The following RP1L1 variants were observed in gnomAD, a reference collection of about 807,000 sequenced individuals.
RP1L1 encodes the protein RP1 like 1, also known as retinitis pigmentosa 1-like 1 protein.
In RP1L1, 27 loss-of-function variants were observed where a neutral mutation model predicts 15.7. The observed-to-expected ratio is 1.72, with a 90% CI of 1.27 to 2.38. The LOEUF is 2.38. RP1L1 is among the 30% of genes most tolerant of loss of function. RP1L1 has a pLI of 0.00. For synonymous variants in RP1L1, 1,813 were observed against 1,276.7 expected, an observed-to-expected ratio of 1.42 and a Z score of -8.96; for missense variants, 4,798 against 3,075.9, an observed-to-expected ratio of 1.56 and a Z score of -13.24.
Position 10,612,314 on chromosome 8 carries a change from C to T in RP1L1, c.1784G>A (p.Gly595Glu). ...RSDDLQAETQ[G>E]QGTEQATGAA... is the part of the protein sequence containing the mutation. ...TCCCGTGGCCTGCTCGGTGCCCTGT[C>T]CTTGCGTCTCTGCCTGCAGGTCGTC... The change falls in exon 4 of 4, where the codon GGA becomes GAA. Residue 595 changes from glycine to glutamate, a missense_variant. By Grantham distance (98) the Gly-to-Glu change is moderately conservative. Coordinates refer to ENST00000382483, the MANE Select transcript of RP1L1 (RefSeq NM_178857.6). 1 of 1,613,236 alleles carries T rather than the reference C, an allele frequency of 6.2e-7. No individual in the cohort carries two copies. Among genetic ancestry groups the T allele is most frequent in the Non-Finnish European group, 8.5e-7 (1 of 1,180,026 alleles).
At chr8:10,618,593 G>A (rs774998178) in intron 2 of RP1L1, among the ~76,000 whole-genome samples, 2 of 152,164 alleles carry the variant, frequency 1.3e-5, no homozygotes, top group Non-Finnish European at 2.9e-5. Flanking sequence ...TTGGGAGGCT[G>A]AGATGGGAGG....
rs79436904 is a variant in RP1L1 at position 10,633,992 on chromosome 8, G to A, written c.-19-10772C>T. Among the ~76,000 whole-genome samples, 1,242 of 152,258 alleles carry A rather than the reference G, an allele frequency of 8.2e-3. 14 individuals are homozygous for A. Among genetic ancestry groups the A allele is most frequent in the Middle Eastern group, 0.027 (8 of 294 alleles). On this transcript the variant is annotated intron_variant, in intron 1 of 3. Transcript: ENST00000382483. ...TGCCTGTGGAGAAGGGTGCCCGAGG[G>A]CCTGACCAGGAGGCTCAAGTCACCC...
chr8:10,623,602 C>T (rs1798110834), intron 1 of RP1L1, among the ~76,000 whole-genome samples: 1 of 150,732 alleles, frequency 6.6e-6, no homozygotes, highest in Non-Finnish European at 1.5e-5. Context: ...CCAGAACTTC[C>T]ATGTCCCCAG....
chr8:10,634,346 C>T (rs1028740450), intron 1 of RP1L1, among the ~76,000 whole-genome samples: 1 of 152,148 alleles, frequency 6.6e-6, no homozygotes, highest in Non-Finnish European at 1.5e-5. Flanking sequence ...CAAGAGGCTG[C>T]AACACGGACC....
Position 10,609,931 on chromosome 8 carries a change from A to G in RP1L1, c.4167T>C (p.Ala1389=), listed in dbSNP as rs761140329. The part of the protein sequence containing the change: ...EGPEGGLQGE[A]LEEGLKEEGL... ...CTTCCTCTTTGAGACCCTCTTCAAGAGCCTCTCCTTGCAGTCCTCCTTCTG... is the reference window on the plus strand; with the variant it reads ...CTTCCTCTTTGAGACCCTCTTCAAGGGCCTCTCCTTGCAGTCCTCCTTCTG... Residue 1389 remains alanine, a synonymous_variant, in exon 4 of 4, where the codon GCT becomes GCC. Transcript: ENST00000382483. The G allele has an allele frequency of 5.7e-5, 90 of 1,588,298 alleles. 1 individual carries two copies. The highest frequency in any genetic ancestry group is 3.3e-4 in the Middle Eastern group (2 of 5,980).
At position 10,622,653 on chromosome 8, in the gene RP1L1, G is replaced by C. The variant is rs200762007; in HGVS notation, c.549C>G (p.Gly183=). 4 of 1,614,212 alleles carry C rather than the reference G, an allele frequency of 2.5e-6. No homozygotes were observed. The highest frequency in any genetic ancestry group is 3.4e-6 in the Non-Finnish European group (4 of 1,180,034). ...GAAAGCGCAGGAGATCTGAGGCTTT[G>C]CCGAGAAAGGCGGCCAGGTTCCTAG... ...RNTRNLAAFL[G]KASDLLRFPV... Residue 183 remains glycine (G), a synonymous_variant, in exon 2 of 4, where the codon GGC becomes GGG. Transcript: ENST00000382483.
chr8:10,632,117 C>A lies in RP1L1; in HGVS notation c.-19-8897G>T, dbSNP rs188465344. ...AGCACAAAGATGGGGCAACCCTGGC[C>A]CGGAAGAGGCTTCGGGTGAAGGCAG... On this transcript the variant is annotated intron_variant, in intron 1 of 3. Coordinates refer to ENST00000382483, the MANE Select transcript of RP1L1 (RefSeq NM_178857.6). Among the ~76,000 whole-genome samples, 71 of 152,284 alleles carry A rather than the reference C, an allele frequency of 4.7e-4. 2 individuals carry two copies. The East Asian group carries it at 0.013, about 28-fold the overall frequency.
rs916547617 is a variant in RP1L1, at chr8:10,607,103, C to T, written c.6995G>A (p.Gly2332Glu). Residue 2332 changes from glycine to glutamate, a missense_variant, in exon 4 of 4, where the codon GGG becomes GAG. Transcript: ENST00000382483. ...DTRSPDAKST[G>E]TPHAERKATR... ...GGCCTTCCTCTCTGCATGAGGGGTC[C>T]CCGTGGACTTGGCATCAGGGCTCCT... 1 of 1,614,200 alleles carries T rather than the reference C, an allele frequency of 6.2e-7. No individual in the cohort carries two copies. The highest frequency in any genetic ancestry group is 8.5e-7 in the Non-Finnish European group (1 of 1,180,036).
intron 2 of RP1L1, chr8:10,621,376 C>G (rs11786688): frequency 0.028 from 5,958 of 209,182 alleles, 98 homozygotes; most frequent in Middle Eastern, 0.067. Flanking sequence ...ACCCAGGCTG[C>G]AGTACAGTGT....
In RP1L1 at chr8:10,609,582, C is replaced by A. The variant is rs756813668; in HGVS notation, c.4516G>T (p.Val1506Leu). ...TQGAAERSSSVACSAALDCDP... is the reference protein window; with the variant it reads ...TQGAAERSSSLACSAALDCDP... Reference sequence around the variant, plus strand: ...CAGTCCAGAGCCGCGCTGCAGGCCACCGAAGAGCTCCTCTCTGCAGCCCCC... The same window carrying A: ...CAGTCCAGAGCCGCGCTGCAGGCCAACGAAGAGCTCCTCTCTGCAGCCCCC... Residue 1506 changes from valine (V) to leucine (L), a missense_variant, in exon 4 of 4, where the codon GTG becomes TTG. Physicochemically the swap from Val to Leu is conservative, Grantham distance 32. Coordinates refer to ENST00000382483, the MANE Select transcript of RP1L1 (RefSeq NM_178857.6). The A allele has an allele frequency of 1.0e-5, 16 of 1,603,798 alleles. No individual in the cohort carries two copies. The highest frequency in any genetic ancestry group is 1.6e-4 in the Middle Eastern group (1 of 6,070).
rs756681101 is a variant in RP1L1 at position 10,612,688 on chromosome 8, G to A, written c.1410C>T (p.Ser470=). The part of the protein sequence containing the change: ...GLPEGSEPES[S]CCPRTPEDGV... The stretch of plus-strand genomic sequence containing the variant: ...CGTCCTCCGGGGTCCTGGGGCAGCA[G>A]GAGGACTCTGGCTCCGAGCCCTCGG... The change falls in exon 4 of 4, where the codon TCC becomes TCT. Residue 470 remains serine (S), a synonymous_variant. Transcript: ENST00000382483. The A allele has an allele frequency of 2.5e-6, 4 of 1,603,152 alleles. No individual in the cohort carries two copies. The East Asian group carries it at 8.9e-5, about 36-fold the overall frequency.
Position 10,622,659 on chromosome 8 carries a change from A to G in RP1L1, c.543T>C (p.Phe181=). Residue 181 remains phenylalanine, a synonymous_variant, in exon 2 of 4, where the codon TTT becomes TTC. Coordinates refer to ENST00000382483, the MANE Select transcript of RP1L1 (RefSeq NM_178857.6). ...SHRNTRNLAA[F]LGKASDLLRF... ...GCAGGAGATCTGAGGCTTTGCCGAG[A>G]AAGGCGGCCAGGTTCCTAGTATTCC... 1 of 1,614,196 alleles carries G rather than the reference A, an allele frequency of 6.2e-7. No homozygotes were observed. Among genetic ancestry groups the G allele is most frequent in the Non-Finnish European group, 8.5e-7 (1 of 1,180,040 alleles).
chr8:10,610,196 ACCT>A lies in RP1L1; in HGVS notation c.3899_3901del (p.Glu1300del). On this transcript the variant is annotated inframe_deletion, in exon 4 of 4. Transcript: ENST00000382483. ...TCCTTCTTTAGTTTCCTCTAATTGC[ACCT>A]CTTCTTGCACTGTGTTTTCAGCTAA... The A allele has an allele frequency of 7.6e-7, 1 of 1,307,618 alleles. No homozygotes were observed. Among genetic ancestry groups the A allele is most frequent in the Non-Finnish European group, 1.0e-6 (1 of 989,478 alleles). 81.0% of individuals were successfully genotyped at this position (1,307,618 alleles called of 1,614,324 possible).
At chr8:10,643,716 G>A (rs1479309307) in intron 1 of RP1L1, among the ~76,000 whole-genome samples, 1 of 152,028 alleles carries the variant, frequency 6.6e-6, no homozygotes, top group Non-Finnish European at 1.5e-5. Context: ...GAAGATCCTG[G>A]TGCTGCCAAA....
Position 10,607,180 on chromosome 8 carries a change from C to T in RP1L1, c.6918G>A (p.Trp2306Ter), listed in dbSNP as rs760589320. 4 of 1,614,222 alleles carry T rather than the reference C, an allele frequency of 2.5e-6. No individual in the cohort carries two copies. In the South Asian group the frequency reaches 4.4e-5, roughly 18 times the overall value. Residue 2306 changes from tryptophan to a stop codon, truncating the protein, a stop_gained, in exon 4 of 4, where the codon TGG becomes TGA. Coordinates refer to ENST00000382483, the MANE Select transcript of RP1L1 (RefSeq NM_178857.6). LOFTEE classifies it low-confidence loss of function (END_TRUNC). ...TGPSSSRASS[W>*]GNCWQKDSEN... ...CTGAGTCTTTCTGCCAGCAGTTGCC[C>T]CAAGAGGATGCTCTGGAGGAGGAAG...
intron 1 of RP1L1, among the ~76,000 whole-genome samples, chr8:10,636,999 G>T (rs952236358): frequency 8.5e-5 from 13 of 152,294 alleles, no homozygotes; most frequent in African/African-American, 3.1e-4. Flanking sequence ...TCTACGTGGG[G>T]CCACTCTGCA....
intron 3 of RP1L1, among the ~76,000 whole-genome samples, chr8:10,613,761 G>A (rs1377220337): frequency 1.3e-5 from 2 of 151,922 alleles, no homozygotes; most frequent in African/African-American, 4.8e-5. Flanking sequence ...CTGCGCTCCA[G>A]CCTGGATGAC....
chr8:10,614,687 A>T (rs1023797998), intron 3 of RP1L1, among the ~76,000 whole-genome samples: 1 of 151,128 alleles, frequency 6.6e-6, no homozygotes, highest in Non-Finnish European at 1.5e-5. Context: ...AAAGAAAAGA[A>T]AAAAGAAAGG....
At chr8:10,623,894 C>T (rs545373604) in intron 1 of RP1L1, among the ~76,000 whole-genome samples, 1 of 151,500 alleles carries the variant, frequency 6.6e-6, no homozygotes, top group East Asian at 2.0e-4. Context: ...GTTCCCAGCA[C>T]CTCCATGTCC....
Sources: gnomAD v4.1 joint callset for allele counts (sites outside exome capture counted in the v4.1 genomes callset) on GRCh38, gnomAD v4.1.1 for gene constraint, MANE v1.5 for transcripts, NCBI Gene and HGNC (gene_info 2026-07-23, HGNC 2026-07-21) for gene names.